The following WIPF3 variants were observed in gnomAD, a reference collection of about 807,000 sequenced individuals.
WIPF3 encodes the protein WAS/WASL interacting protein family member 3.
In WIPF3, 33 loss-of-function variants were observed where a neutral mutation model predicts 38.9. The observed-to-expected ratio is 0.85, with a 90% confidence interval of 0.64 to 1.14. The LOEUF (loss-of-function observed/expected upper bound fraction) is 1.14. Among genes scored for constraint, WIPF3 ranks in the 50% most tolerant of loss-of-function variants. The probability of loss-of-function intolerance (pLI) is 0.00; values close to 1 mark genes in which losing one functional copy is unlikely to be tolerated. For synonymous variants in WIPF3, 324 were observed against 269.3 expected, an observed-to-expected ratio of 1.20 and a Z score of -1.99; for missense variants, 711 against 652.5, an observed-to-expected ratio of 1.09 and a Z score of -0.98.
At chr7:29,864,681 C>G (rs909148057) in intron 2 of WIPF3, among the ~76,000 whole-genome samples, 1 of 152,210 alleles carries the variant, frequency 6.6e-6, no homozygotes, top group African/African-American at 2.4e-5. Flanking sequence ...TTAAGTTACT[C>G]AGAATCAATG....
intron 2 of WIPF3, among the ~76,000 whole-genome samples, chr7:29,871,770 T>G (rs1012074818): frequency 6.6e-6 from 1 of 152,238 alleles, no homozygotes; most frequent in African/African-American, 2.4e-5. Context: ...CGTATTTTTT[T>G]TATTCTATCC....
intron 4 of WIPF3, among the ~76,000 whole-genome samples, chr7:29,880,253 G>A (rs563540801): frequency 1.4e-4 from 21 of 152,292 alleles, no homozygotes; most frequent in South Asian, 6.2e-4. Context: ...AACCTTCCTC[G>A]TACCAGATCT....
chr7:29,878,955 T>G lies in WIPF3; in HGVS notation c.224-54T>G, dbSNP rs1421246928. ...TTAGACCATGGTCTGAAATGAGACCTGGCTGCTCAGCTCTGCTCTCAAGTC... is the reference window on the plus strand; with the variant it reads ...TTAGACCATGGTCTGAAATGAGACCGGGCTGCTCAGCTCTGCTCTCAAGTC... On this transcript the variant is annotated intron_variant, in intron 3 of 8. Transcript: ENST00000242140. This position sits in a 1 kb window ranked among gnomAD's most constrained non-coding sequence, Gnocchi z 4.0. The G allele has an allele frequency of 1.3e-6, 2 of 1,547,098 alleles. No homozygotes were observed. Among genetic ancestry groups the G allele is most frequent in the Non-Finnish European group, 1.8e-6 (2 of 1,137,234 alleles).
At chr7:29,887,111 C>T (rs1785899285) in intron 5 of WIPF3, among the ~76,000 whole-genome samples, 1 of 152,146 alleles carries the variant, frequency 6.6e-6, no homozygotes. Context: ...CAGCTGGGGC[C>T]CCTTCATCTG....
intron 2 of WIPF3, among the ~76,000 whole-genome samples, chr7:29,872,165 G>T (rs1785507668): frequency 6.6e-6 from 1 of 152,144 alleles, no homozygotes. Flanking sequence ...TAGTGACGTT[G>T]CCCATGATCA....
intron 7 of WIPF3, among the ~76,000 whole-genome samples, chr7:29,900,876 CA>C (rs1360440861): frequency 6.6e-6 from 1 of 152,214 alleles, no homozygotes; most frequent in Non-Finnish European, 1.5e-5. Context: ...ACTCTGATGC[CA>C]GGGCAGCCCA....
chr7:29,904,202 CT>C, intron 7 of WIPF3, 83 bp from the exon 8 acceptor site: 1 of 1,343,512 alleles, frequency 7.4e-7, no homozygotes, highest in East Asian at 2.3e-5. Context: ...GTTTTAAGTG[CT>C]GATTTAGAGA....
At chr7:29,832,833 C>G (rs1249824966) in intron 1 of WIPF3, among the ~76,000 whole-genome samples, 1 of 152,128 alleles carries the variant, frequency 6.6e-6, no homozygotes, top group Non-Finnish European at 1.5e-5. Context: ...TGCATATACG[C>G]TGAAAAGAAT....
intron 2 of WIPF3, among the ~76,000 whole-genome samples, chr7:29,848,133 C>T (rs1365860103): frequency 6.6e-6 from 1 of 152,046 alleles, no homozygotes; most frequent in Non-Finnish European, 1.5e-5. Context: ...TGGACTTGGG[C>T]CCACGGGTGT....
intron 8 of WIPF3, chr7:29,904,660 G>T: frequency 3.0e-6 from 1 of 338,186 alleles, no homozygotes; most frequent in Non-Finnish European, 5.4e-6. Flanking sequence ...CCTTGGTTAT[G>T]ATGGCCTGTG....
intron 8 of WIPF3, among the ~76,000 whole-genome samples, chr7:29,908,364 C>A (rs1289654041): frequency 6.6e-6 from 1 of 152,092 alleles, no homozygotes; most frequent in East Asian, 1.9e-4. Context: ...GCAAAACTGA[C>A]AGAATTAAAG....
At position 29,914,715 on chromosome 7, in the gene WIPF3, C is replaced by T. The variant is rs1460844492; in HGVS notation, c.*199C>T. On this transcript the variant is annotated 3_prime_UTR_variant, in exon 9 of 9. Coordinates refer to ENST00000242140, the MANE Select transcript of WIPF3 (RefSeq NM_001080529.3). ...TATTTCGGTAATATTTTTTAAAACA[C>T]CCCTCATTTTTCCATTTTTTGCATT... The T allele has an allele frequency of 7.1e-6, 3 of 419,898 alleles. No homozygotes were observed. The highest frequency in any genetic ancestry group is 6.2e-5 in the African/African-American group (3 of 48,124). The allele number at this position is 419,898 out of a possible 1,614,324, so 26.0% of individuals were successfully genotyped here. A position where few individuals can be genotyped will look rare whatever the true frequency, so the allele number is the denominator to read the frequency against.
chr7:29,852,625 C>T (rs187273544), intron 2 of WIPF3, among the ~76,000 whole-genome samples: 296 of 152,296 alleles, frequency 1.9e-3, no homozygotes, highest in African/African-American at 6.9e-3. Context: ...AGCAGTAGCC[C>T]TAGGGCTATG....
intron 8 of WIPF3, among the ~76,000 whole-genome samples, chr7:29,912,986 G>A (rs941879192): frequency 2.0e-5 from 3 of 152,182 alleles, no homozygotes; most frequent in Non-Finnish European, 4.4e-5. Flanking sequence ...AAACAAAAGT[G>A]GGTACTGATG....
chr7:29,888,333 C>G (rs116956225), intron 6 of WIPF3, 116 bp downstream of exon 6: 33,756 of 1,340,050 alleles, frequency 0.025, 539 homozygotes, highest in South Asian at 0.057. Flanking sequence ...ATGCTTCTTT[C>G]ATGAACAGGG....
At position 29,884,563 on chromosome 7, in the gene WIPF3, T is replaced by C; in HGVS notation, c.1069T>C (p.Phe357Leu). ...GCCTGCCCCTCCGGGCTCCCAGCCG[T>C]TCCTGCAGAAGAAGAGGCATGGCCG... Reference protein sequence around the residue: ...APPAPPGSQPFLQKKRHGRPG... With the variant: ...APPAPPGSQPLLQKKRHGRPG... Residue 357 changes from phenylalanine (F) to leucine (L), a missense_variant, in exon 5 of 9, where the codon TTC (phenylalanine) becomes CTC (leucine). Coordinates refer to ENST00000242140, the MANE Select transcript of WIPF3 (RefSeq NM_001080529.3). The C allele has an allele frequency of 2.5e-6, 4 of 1,603,632 alleles. No individual in the cohort carries two copies. The highest frequency in any genetic ancestry group is 3.4e-6 in the Non-Finnish European group (4 of 1,176,618).
intron 2 of WIPF3, among the ~76,000 whole-genome samples, chr7:29,859,259 C>A (rs10266700): frequency 0.099 from 14,985 of 152,110 alleles, 767 homozygotes; most frequent in Middle Eastern, 0.12. Context: ...GAGCAGGGAG[C>A]TGAGAGAGAA....
At chr7:29,828,410 G>C (rs1282010158) in intron 1 of WIPF3, among the ~76,000 whole-genome samples, 4 of 151,904 alleles carry the variant, frequency 2.6e-5, no homozygotes, top group African/African-American at 9.7e-5. Flanking sequence ...TAGGGCGCCC[G>C]TACCCTCACC....
chr7:29,912,280 G>A (rs1384119322), intron 8 of WIPF3, among the ~76,000 whole-genome samples: 1 of 152,130 alleles, frequency 6.6e-6, no homozygotes, highest in Non-Finnish European at 1.5e-5. Context: ...AAAATAACAA[G>A]TGGTGGCAAA....
Sources: gnomAD v4.1 joint callset for allele counts (sites outside exome capture counted in the v4.1 genomes callset) on GRCh38, gnomAD v4.1.1 for gene constraint, Gnocchi (gnomAD v3.1) non-coding constraint, MANE v1.5 for transcripts, NCBI Gene and HGNC (gene_info 2026-07-23, HGNC 2026-07-21) for gene names.